Variants in KRT86 observed in about 807,000 individuals in gnomAD.
KRT86 encodes keratin, type II cuticular Hb6.
A neutral mutation model predicts 41.2 loss-of-function variants in KRT86; 30 were observed. The ratio of observed to expected loss-of-function variants is 0.73; its 90% CI spans 0.54 to 0.99. The LOEUF (loss-of-function observed/expected upper bound fraction) is 0.99, where lower values mean the gene tolerates loss of function less well. KRT86 is among the 50% of genes least tolerant of loss of function. The pLI is 0.00. For synonymous variants in KRT86, 238 were observed against 238.1 expected, an observed-to-expected ratio of 1.00 and a Z score of 0.00; for missense variants, 561 against 571.4, an observed-to-expected ratio of 0.98 and a Z score of 0.19.
At chr12:52,297,007 T>C (rs976913790) in intron 2 of KRT86, among the ~76,000 whole-genome samples, 8 of 152,186 alleles carry the variant, frequency 5.3e-5, no homozygotes, top group African/African-American at 1.9e-4. Context: ...GCTGTCACAG[T>C]ATCTCATGAT....
chr12:52,306,333 C>T (rs1938518688), intron 9 of KRT86, 53 bp downstream of exon 9: 31 of 1,611,890 alleles, frequency 1.9e-5, no homozygotes, highest in Non-Finnish European at 2.6e-5. Flanking sequence ...TCTCAGTGTG[C>T]TCTGTCCTCA....
At chr12:52,305,456 A>C in intron 7 of KRT86, 52 bp downstream of exon 7, 1 of 1,613,796 alleles carries the variant, frequency 6.2e-7, no homozygotes, top group East Asian at 2.2e-5. Context: ...GAGGGATTTG[A>C]GATTATCTAT....
chr12:52,291,390 A>G, intron 2 of KRT86: 2 of 1,608,324 alleles, frequency 1.2e-6, no homozygotes, highest in Non-Finnish European at 8.5e-7. Flanking sequence ...GCGGTGATGC[A>G]GCAGCGGCCG....
At chr12:52,305,447 A>G in intron 7 of KRT86, 43 bp downstream of exon 7, 2 of 1,613,974 alleles carry the variant, frequency 1.2e-6, no homozygotes, top group East Asian at 2.2e-5. Flanking sequence ...TGGCAGTGGG[A>G]GGGATTTGAG....
chr12:52,278,102 A>G (rs910372594), intron 2 of KRT86, among the ~76,000 whole-genome samples: 1 of 152,148 alleles, frequency 6.6e-6, no homozygotes, highest in African/African-American at 2.4e-5. Context: ...AGGTGGGGTT[A>G]CATGACCAGG....
Position 52,305,027 on chromosome 12 carries a change from G to A in KRT86, c.735G>A (p.Glu245=). 1 of 1,613,944 alleles carries A rather than the reference G, an allele frequency of 6.2e-7. No individual in the cohort carries two copies. The highest frequency in any genetic ancestry group is 2.2e-5 in the East Asian group (1 of 44,882). ...ACTTCCTGAGGCGGCTGTATGAGGA[G>A]GTGCGGGCTCAGGGGCCAGGCAGAG... ...EIDFLRRLYE[E]EIRVLQSHIS... Residue 245 remains glutamate, a splice_region_variant and synonymous_variant, in exon 6 of 11, where the codon GAG becomes GAA. Coordinates refer to ENST00000423955, the MANE Select transcript of KRT86 (RefSeq NM_001320198.2).
chr12:52,304,815 G>A (rs1162871688), intron 5 of KRT86, 117 bp from the exon 6 acceptor site: 2 of 1,134,828 alleles, frequency 1.8e-6, no homozygotes, highest in Non-Finnish European at 2.7e-6. Flanking sequence ...GAGAGGGCAT[G>A]GGAATGAGAC....
At chr12:52,304,843 C>G in intron 5 of KRT86, 89 bp from the exon 6 acceptor site, 2 of 1,446,918 alleles carry the variant, frequency 1.4e-6, no homozygotes, top group Non-Finnish European at 9.7e-7. Flanking sequence ...ACTCCTTTCC[C>G]CAGGCTTCAT....
chr12:52,288,756 C>A (rs1938050390), intron 2 of KRT86, among the ~76,000 whole-genome samples: 1 of 152,140 alleles, frequency 6.6e-6, no homozygotes, highest in Admixed American at 6.5e-5. Context: ...AGCTCTCACA[C>A]CCTGACCCTT....
chr12:52,307,618 C>A (rs1938546316), intron 9 of KRT86, among the ~76,000 whole-genome samples: 1 of 152,204 alleles, frequency 6.6e-6, no homozygotes, highest in Admixed American at 6.5e-5. Flanking sequence ...TCCTTCTGGG[C>A]CTCAGCCTTT....
At chr12:52,288,022 G>T (rs144716678) in intron 2 of KRT86, 2 of 1,614,058 alleles carry the variant, frequency 1.2e-6, no homozygotes, top group African/African-American at 1.3e-5. Context: ...GCCCGGCTGC[G>T]GGTGACAATG....
intron 2 of KRT86, chr12:52,286,556 C>CGCCCCT (rs1045498404): frequency 2.0e-6 from 3 of 1,485,010 alleles, no homozygotes; most frequent in Non-Finnish European, 2.8e-6. Flanking sequence ...TCCTGACAAC[C>CGCCCCT]GCCCCTGCCC....
In KRT86 at chr12:52,308,496, A is replaced by C; in HGVS notation, c.1372A>C (p.Ser458Arg). The change falls in exon 11 of 11, where the codon AGC (serine) becomes CGC (arginine). Residue 458 changes from serine (S) to arginine (R), a missense_variant. By Grantham distance (110) the Ser-to-Arg change is moderately radical (BLOSUM62 -1). Around this residue, in one of 3 missense-constraint regions of KRT86, gnomAD observed 397 missense variants for 375.9 expected, o/e 1.06. Coordinates refer to ENST00000423955, the MANE Select transcript of KRT86 (RefSeq NM_001320198.2). ...CTCCACCAGAGTCAGTAGCGTCCCC[A>C]GCAACAGCAACGTGGTGGTGGGCAC... ...VVSTRVSSVP[S>R]NSNVVVGTTN... 6.2e-7 allele frequency: 1 copy of C among 1,608,606 alleles called. No homozygotes were observed. Among genetic ancestry groups the C allele is most frequent in the Non-Finnish European group, 8.5e-7 (1 of 1,179,890 alleles).
Position 52,286,398 on chromosome 12 carries a change from C to A in KRT86, c.-5+10452C>A, listed in dbSNP as rs767992926. The A allele has an allele frequency of 4.5e-6, 7 of 1,555,108 alleles. No homozygotes were observed. The South Asian group carries it at 8.3e-5, about 18-fold the overall frequency. On this transcript the variant is annotated intron_variant, in intron 2 of 10. Transcript: ENST00000423955. ...AGGCCGGTGCTCACCGCCACGTTCCCGTTGCACGGAGCGCTGCAGACACTG... is the reference window on the plus strand; with the variant it reads ...AGGCCGGTGCTCACCGCCACGTTCCAGTTGCACGGAGCGCTGCAGACACTG...
chr12:52,286,560 C>T, intron 2 of KRT86: 1 of 1,470,388 alleles, frequency 6.8e-7, no homozygotes, highest in Non-Finnish European at 9.3e-7. Flanking sequence ...GACAACCGCC[C>T]CTGCCCAAGA....
intron 2 of KRT86, among the ~76,000 whole-genome samples, chr12:52,277,042 G>A (rs4761783): frequency 6.6e-6 from 1 of 151,990 alleles, no homozygotes. Flanking sequence ...AGCCACAGCT[G>A]TTCTGGTTCC....
At chr12:52,276,881 T>C (rs1226016513) in intron 2 of KRT86, among the ~76,000 whole-genome samples, 3 of 152,210 alleles carry the variant, frequency 2.0e-5, no homozygotes, top group Admixed American at 2.0e-4. Context: ...CTTTTCTTGC[T>C]TTCTGCAGAT....
rs1937920099 is a variant in KRT86 at position 52,286,134 on chromosome 12, G to A, written c.-5+10188G>A. 1.1e-5 allele frequency: 9 copies of A among 818,356 alleles called. No homozygotes were observed. The East Asian group carries it at 2.4e-4, about 22-fold the overall frequency. 50.7% of individuals were successfully genotyped at this position (818,356 alleles called of 1,614,324 possible). A position where few individuals can be genotyped will look rare whatever the true frequency, so the allele number is the denominator to read the frequency against. On this transcript the variant is annotated intron_variant, in intron 2 of 10. Transcript: ENST00000423955. ...ACAGAGAAATGTGAGGCCAGGAGTGGGAGGGGTCTTTCAAAGTGCAGGAGA... is the reference window on the plus strand; with the variant it reads ...ACAGAGAAATGTGAGGCCAGGAGTGAGAGGGGTCTTTCAAAGTGCAGGAGA...
intron 2 of KRT86, among the ~76,000 whole-genome samples, chr12:52,285,657 C>T (rs928440647): frequency 1.3e-5 from 2 of 152,194 alleles, no homozygotes; most frequent in Non-Finnish European, 2.9e-5. Flanking sequence ...AGTGGGTGAC[C>T]CTGCCCCAAT....
Sources: gnomAD v4.1 joint callset for allele counts (sites outside exome capture counted in the v4.1 genomes callset) on GRCh38, gnomAD v4.1.1 for gene constraint, gnomAD v4.1.1 regional missense constraint, MANE v1.5 for transcripts, NCBI Gene and HGNC (gene_info 2026-07-23, HGNC 2026-07-21) for gene names.